ARHGEF9: variants seen among roughly 807,000 people sequenced by gnomAD.
The protein encoded by ARHGEF9 is rho guanine nucleotide exchange factor 9.
A neutral mutation model predicts 41.3 loss-of-function variants in ARHGEF9; 2 were observed. The observed-to-expected ratio is 0.05, with a 90% confidence interval of 0.02 to 0.15. The LOEUF (loss-of-function observed/expected upper bound fraction) is 0.15. ARHGEF9 is among the 10% of genes least tolerant of loss of function. The pLI is 1.00. For synonymous variants in ARHGEF9, 160 were observed against 154.4 expected (o/e 1.04, Z -0.27); for missense variants, 225 against 424.7 (o/e 0.53, Z 4.13).
chrX:63,772,907 G>A (rs182345124), intron 1 of ARHGEF9, among the ~76,000 whole-genome samples: 84 of 111,094 alleles, frequency 7.6e-4, no homozygotes, highest in African/African-American at 2.6e-3. Flanking sequence ...TCAACTTCCC[G>A]TAAGCCTCAC....
intron 4 of ARHGEF9, among the ~76,000 whole-genome samples, chrX:63,691,007 C>T (rs782533067): frequency 8.4e-4 from 94 of 111,312 alleles, no homozygotes; most frequent in Admixed American, 1.7e-3. Flanking sequence ...CCATATATCA[C>T]AAACCCACAG....
chrX:63,706,477 T>C, intron 2 of ARHGEF9, 28 bp from the exon 3 acceptor site: 1 of 1,181,145 alleles, frequency 8.5e-7, no homozygotes, highest in East Asian at 3.1e-5. Context: ...AGAAAAATAA[T>C]GAGTTAGCTT....
chrX:63,712,702 T>C (rs1266931327), intron 2 of ARHGEF9, among the ~76,000 whole-genome samples: 6 of 111,938 alleles, frequency 5.4e-5, no homozygotes, highest in African/African-American at 9.7e-5. Context: ...TGGTAAATTT[T>C]ATGGTATGGA....
chrX:63,693,559 C>A (rs1342581232), intron 4 of ARHGEF9, among the ~76,000 whole-genome samples: 2 of 98,008 alleles, frequency 2.0e-5, no homozygotes, highest in East Asian at 6.9e-4. Context: ...TTGCAGTGAG[C>A]TGAGATAGCA....
At chrX:63,695,239 G>A (rs1175887637) in intron 4 of ARHGEF9, among the ~76,000 whole-genome samples, 1 of 111,735 alleles carries the variant, frequency 8.9e-6, no homozygotes, top group African/African-American at 3.3e-5. Context: ...GCCCCCGGTT[G>A]AGAACCACTA....
At chrX:63,784,745 C>A (rs1176859100) in intron 1 of ARHGEF9, among the ~76,000 whole-genome samples, 1 of 111,005 alleles carries the variant, frequency 9.0e-6, no homozygotes, top group African/African-American at 3.3e-5. Context: ...CAACCCCGTG[C>A]CAGCTTGTCA....
At chrX:63,768,074 C>A (rs1161498668) in intron 1 of ARHGEF9, among the ~76,000 whole-genome samples, 3 of 111,822 alleles carry the variant, frequency 2.7e-5, no homozygotes, top group Non-Finnish European at 5.6e-5. Flanking sequence ...TTTTAGTGCA[C>A]CAGCCACCCA....
At position 63,635,194 on chromosome X, in the gene ARHGEF9, C is replaced by A; in HGVS notation, c.*2834G>T. ...CCCAGCCCACCCCATCCCCAAAGCA[C>A]TAAAAGATCACTATTTGGCTTCACA... On this transcript the variant is annotated 3_prime_UTR_variant, in exon 10 of 10. Coordinates refer to ENST00000671741, the MANE Select transcript of ARHGEF9 (RefSeq NM_001353921.2). The A allele has an allele frequency of 2.9e-6, 1 of 344,015 alleles. No individual in the cohort carries two copies. Among genetic ancestry groups the A allele is most frequent in the Non-Finnish European group, 5.3e-6 (1 of 190,027 alleles). 28.4% of individuals were successfully genotyped at this position (344,015 alleles called of 1,213,427 possible).
At chrX:63,644,759 ATTAT>A (rs2047888821) in intron 8 of ARHGEF9, among the ~76,000 whole-genome samples, 1 of 96,583 alleles carries the variant, frequency 1.0e-5, no homozygotes, top group Admixed American at 1.0e-4. Context: ...TATTATTATT[ATTAT>A]TTTTTTTTTT....
At chrX:63,767,227 TAA>T in intron 1 of ARHGEF9, 3 of 582,848 alleles carry the variant, frequency 5.1e-6, no homozygotes, top group Non-Finnish European at 8.9e-6. Context: ...AAGCTCTGCC[TAA>T]ACAATACGTG....
chrX:63,777,242 G>C (rs1247930288), intron 1 of ARHGEF9, among the ~76,000 whole-genome samples: 1 of 111,506 alleles, frequency 9.0e-6, no homozygotes, highest in African/African-American at 3.3e-5. Flanking sequence ...GAGAAGTGTA[G>C]AGAAAAGAGG....
intron 7 of ARHGEF9, among the ~76,000 whole-genome samples, chrX:63,661,777 T>C (rs1373137746): frequency 9.0e-6 from 1 of 111,338 alleles, no homozygotes; most frequent in African/African-American, 3.3e-5. Context: ...TCTCTCTCTC[T>C]CTCTCTCTGA....
At chrX:63,663,271 A>G (rs2049328418) in intron 7 of ARHGEF9, among the ~76,000 whole-genome samples, 1 of 111,748 alleles carries the variant, frequency 8.9e-6, no homozygotes, top group Non-Finnish European at 1.9e-5. Flanking sequence ...ATTTGAACAT[A>G]GCTTTAAAAG....
At chrX:63,739,888 AC>A (rs1556425432) in intron 1 of ARHGEF9, among the ~76,000 whole-genome samples, 1 of 112,213 alleles carries the variant, frequency 8.9e-6, no homozygotes, top group Non-Finnish European at 1.9e-5. Context: ...AGCCCATTCC[AC>A]AGACCAGAAA....
intron 1 of ARHGEF9, among the ~76,000 whole-genome samples, chrX:63,747,434 T>A: frequency 8.9e-6 from 1 of 112,065 alleles, no homozygotes; most frequent in Non-Finnish European, 1.9e-5. Flanking sequence ...CTGGGACTTA[T>A]CGAGGCTCCC....
chrX:63,683,329 C>T (rs1556371648), intron 4 of ARHGEF9, among the ~76,000 whole-genome samples: 1 of 111,297 alleles, frequency 9.0e-6, no homozygotes, highest in Non-Finnish European at 1.9e-5. Context: ...CCAAAACACC[C>T]TGATGAAAGA....
chrX:63,766,218 C>T (rs2056111291), intron 1 of ARHGEF9, among the ~76,000 whole-genome samples: 1 of 112,067 alleles, frequency 8.9e-6, no homozygotes, highest in South Asian at 3.7e-4. Flanking sequence ...GTGCCTGCTA[C>T]ATAACAGATG....
At chrX:63,658,718 T>C (rs1556338675) in intron 7 of ARHGEF9, among the ~76,000 whole-genome samples, 1 of 111,980 alleles carries the variant, frequency 8.9e-6, no homozygotes, top group Non-Finnish European at 1.9e-5. Flanking sequence ...CTACCTCCTT[T>C]AGCTCATTTA....
intron 1 of ARHGEF9, among the ~76,000 whole-genome samples, chrX:63,752,402 C>T (rs1299931801): frequency 9.0e-6 from 1 of 111,271 alleles, no homozygotes; most frequent in Non-Finnish European, 1.9e-5. Context: ...AACAGGTCTG[C>T]AGCTGCCCAG....
Sources: gnomAD v4.1 joint callset for allele counts (sites outside exome capture counted in the v4.1 genomes callset) on GRCh38, gnomAD v4.1.1 for gene constraint, MANE v1.5 for transcripts, NCBI Gene and HGNC (gene_info 2026-07-23, HGNC 2026-07-21) for gene names.